Variants in TBC1D22A observed in about 807,000 individuals in gnomAD.
TBC1D22A encodes TBC1 domain family member 22A, also known as putative GTPase activator.
TBC1D22A carries 38 observed loss-of-function variants against 60.2 expected under a neutral mutation model. That is an observed-to-expected ratio of 0.63 (90% CI 0.49 to 0.83). TBC1D22A has a LOEUF of 0.83. Among genes scored for constraint, TBC1D22A ranks in the 40% least tolerant of loss-of-function variants. The pLI is 0.00. For synonymous variants in TBC1D22A, 302 were observed against 281.7 expected, an observed-to-expected ratio of 1.07 and a Z score of -0.72; for missense variants, 628 against 701.0, an observed-to-expected ratio of 0.90 and a Z score of 1.18.
intron 11 of TBC1D22A, among the ~76,000 whole-genome samples, chr22:47,071,102 G>T (rs896092400): frequency 2.0e-5 from 3 of 152,164 alleles, no homozygotes; most frequent in Non-Finnish European, 2.9e-5. Flanking sequence ...CCATACCTGT[G>T]CTTATTTCTT....
At chr22:47,164,096 G>A (rs2068100712) in intron 12 of TBC1D22A, among the ~76,000 whole-genome samples, 1 of 152,256 alleles carries the variant, frequency 6.6e-6, no homozygotes, top group Non-Finnish European at 1.5e-5. Context: ...GCCGGCTTCA[G>A]ATGAGCCCGA....
At chr22:46,891,768 G>C (rs533041400) in intron 6 of TBC1D22A, among the ~76,000 whole-genome samples, 1 of 152,308 alleles carries the variant, frequency 6.6e-6, no homozygotes, top group Non-Finnish European at 1.5e-5. Context: ...CAACCACTTA[G>C]CTGATGGCAT....
At chr22:46,799,175 G>A (rs527752772) in intron 4 of TBC1D22A, among the ~76,000 whole-genome samples, 1 of 152,174 alleles carries the variant, frequency 6.6e-6, no homozygotes, top group East Asian at 1.9e-4. Flanking sequence ...TCCAGCGATG[G>A]CCCATGCATC....
At chr22:47,078,739 A>G (rs1052147266) in intron 11 of TBC1D22A, among the ~76,000 whole-genome samples, 3 of 152,184 alleles carry the variant, frequency 2.0e-5, no homozygotes, top group Admixed American at 6.5e-5. Flanking sequence ...CAGTGAACCC[A>G]TTACTCACAA....
chr22:46,766,825 C>G (rs754079151), intron 1 of TBC1D22A, among the ~76,000 whole-genome samples: 62 of 152,204 alleles, frequency 4.1e-4, no homozygotes, highest in Non-Finnish European at 6.3e-4. Context: ...CATGAGCCAC[C>G]GTGCCCGGCC....
chr22:46,915,173 A>G (rs1041450714), intron 8 of TBC1D22A: 1 of 349,918 alleles, frequency 2.9e-6, no homozygotes, highest in Admixed American at 3.8e-5. Flanking sequence ...TCAGGTTCTT[A>G]TCTTTGAACA....
intron 5 of TBC1D22A, among the ~76,000 whole-genome samples, chr22:46,890,044 C>T (rs530078609): frequency 2.0e-5 from 3 of 152,160 alleles, no homozygotes; most frequent in Admixed American, 6.5e-5. Flanking sequence ...AACTGTGCTT[C>T]GAAAATATTT....
intron 8 of TBC1D22A, among the ~76,000 whole-genome samples, chr22:46,958,968 T>C (rs2073352817): frequency 6.6e-6 from 1 of 152,192 alleles, no homozygotes; most frequent in South Asian, 2.1e-4. Flanking sequence ...TTCCCGCTGC[T>C]TGTGAAGCGG....
chr22:46,825,217 C>T (rs112356503), intron 4 of TBC1D22A, among the ~76,000 whole-genome samples: 81 of 152,188 alleles, frequency 5.3e-4, no homozygotes, highest in African/African-American at 1.9e-3. Context: ...TCCACGTTCC[C>T]CCCAGAGAAA....
At chr22:47,136,016 AG>A (rs2147128522) in intron 12 of TBC1D22A, among the ~76,000 whole-genome samples, 1 of 152,282 alleles carries the variant, frequency 6.6e-6, no homozygotes, top group African/African-American at 2.4e-5. Flanking sequence ...CTCGGGTAGG[AG>A]TTTGCAGATT....
At chr22:47,115,495 C>T (rs765154055) in intron 12 of TBC1D22A, among the ~76,000 whole-genome samples, 2 of 152,156 alleles carry the variant, frequency 1.3e-5, no homozygotes, top group African/African-American at 2.4e-5. Context: ...ACCAGACTTT[C>T]GTAGGGTCTT....
intron 12 of TBC1D22A, among the ~76,000 whole-genome samples, chr22:47,165,935 G>A (rs1045133924): frequency 7.2e-5 from 11 of 152,184 alleles, no homozygotes; most frequent in African/African-American, 2.7e-4. Flanking sequence ...TGCTCCCCGC[G>A]TCGCATGTCA....
intron 11 of TBC1D22A, among the ~76,000 whole-genome samples, chr22:47,046,819 C>T (rs2063047713): frequency 6.6e-6 from 1 of 152,168 alleles, no homozygotes. Flanking sequence ...GCCCTGGATC[C>T]CCCCAGATGC....
At chr22:47,157,833 A>G (rs1227365083) in intron 12 of TBC1D22A, among the ~76,000 whole-genome samples, 2 of 152,216 alleles carry the variant, frequency 1.3e-5, no homozygotes, top group East Asian at 3.9e-4. Context: ...GGGGGCATCT[A>G]TACAAGTCAC....
chr22:46,920,084 T>TATGTATGTATGTATGTATGA (rs146766434), intron 8 of TBC1D22A, among the ~76,000 whole-genome samples: 3,062 of 149,030 alleles, frequency 0.021, 44 homozygotes, highest in Non-Finnish European at 0.032. Flanking sequence ...TGTATGTATG[T>TATGTATGTATGTATGTATGA]ATGAATGAAG....
chr22:47,150,664 G>A (rs1569474190), intron 12 of TBC1D22A, among the ~76,000 whole-genome samples: 2 of 152,230 alleles, frequency 1.3e-5, no homozygotes, highest in African/African-American at 4.8e-5. Flanking sequence ...AGCTCCACAA[G>A]AGCCTGGCAT....
At chr22:47,154,719 T>C (rs998786849) in intron 12 of TBC1D22A, among the ~76,000 whole-genome samples, 1 of 152,228 alleles carries the variant, frequency 6.6e-6, no homozygotes, top group African/African-American at 2.4e-5. Flanking sequence ...GCGGCTGCTC[T>C]GGGACATGTG....
intron 4 of TBC1D22A, among the ~76,000 whole-genome samples, chr22:46,834,730 G>A (rs1325655160): frequency 3.3e-5 from 5 of 152,216 alleles, no homozygotes; most frequent in South Asian, 2.1e-4. Context: ...ACTTCACTAA[G>A]AGGCTAGTCC....
chr22:47,070,975 T>C (rs1489653354), intron 11 of TBC1D22A, among the ~76,000 whole-genome samples: 1 of 152,254 alleles, frequency 6.6e-6, no homozygotes, highest in African/African-American at 2.4e-5. Context: ...TCTGTTTCCC[T>C]GTTATTTTGA....
Sources: gnomAD v4.1 joint callset for allele counts (sites outside exome capture counted in the v4.1 genomes callset) on GRCh38, gnomAD v4.1.1 for gene constraint, MANE v1.5 for transcripts, NCBI Gene and HGNC (gene_info 2026-07-23, HGNC 2026-07-21) for gene names.